The following PTH1R variants were observed in gnomAD, a reference collection of about 807,000 sequenced individuals.
PTH1R encodes parathyroid hormone 1 receptor.
A neutral mutation model predicts 70.7 loss-of-function variants in PTH1R; 32 were observed. That is an observed-to-expected ratio of 0.45 (90% CI 0.34 to 0.61). PTH1R has a LOEUF of 0.61. Ranked by LOEUF, PTH1R falls within the 20% of genes least tolerant of loss-of-function variation. The pLI is 0.01. For missense variants in PTH1R, 626 were observed against 792.5 expected (o/e 0.79, Z 2.52); for synonymous variants, 329 against 324.8 (o/e 1.01, Z -0.14).
intron 3 of PTH1R, among the ~76,000 whole-genome samples, chr3:46,889,159 C>T (rs1212300446): frequency 1.3e-5 from 2 of 152,194 alleles, no homozygotes; most frequent in Non-Finnish European, 2.9e-5. Context: ...ATGAAGGGGT[C>T]TCCTGTTAGC....
At chr3:46,898,271 C>T (rs549302750) in intron 7 of PTH1R, 79 bp downstream of exon 7, 2 of 1,575,662 alleles carry the variant, frequency 1.3e-6, no homozygotes, top group East Asian at 2.2e-5. Flanking sequence ...CCAGCCCTGA[C>T]CCCTGACCTT....
Position 46,903,646 on chromosome 3 carries a change from C to T in PTH1R, c.1772C>T (p.Thr591Ile), listed in dbSNP as rs753970535. The T allele has an allele frequency of 6.2e-7, 1 of 1,609,620 alleles. No homozygotes were observed. Among genetic ancestry groups the T allele is most frequent in the Non-Finnish European group, 8.5e-7 (1 of 1,179,996 alleles). ...GCCCTGCTACAGGAAGAGTGGGAGA[C>T]AGTCATGTGACCAGGCGCTGGGGGC... is the stretch of plus-strand genomic sequence containing the variant. ...PPALLQEEWE[T>I]VM is the part of the protein sequence containing the mutation. The change falls in exon 16 of 16, where the codon ACA (threonine) becomes ATA (isoleucine). Residue 591 changes from threonine (T) to isoleucine (I), a missense_variant. Physicochemically the swap from Thr to Ile is moderately conservative, Grantham distance 89 (BLOSUM62 -1). Coordinates refer to ENST00000449590, the MANE Select transcript of PTH1R (RefSeq NM_000316.3). The surrounding 1 kb of genome is among the most constrained non-coding windows in gnomAD (Gnocchi z 4.4).
Position 46,903,597 on chromosome 3 carries a change from G to A in PTH1R, c.1723G>A (p.Ala575Thr). Residue 575 changes from alanine (A) to threonine (T), a missense_variant, in exon 16 of 16, where the codon GCC (alanine) becomes ACC (threonine). By Grantham distance (58) the Ala-to-Thr change is moderately conservative (BLOSUM62 0). Coordinates refer to ENST00000449590, the MANE Select transcript of PTH1R (RefSeq NM_000316.3). The surrounding 1 kb of genome is among the most constrained non-coding windows in gnomAD (Gnocchi z 4.4). ...CTCCTGCTCAGGCCTGGACGAGGAG[G>A]CCTCTGGGCCTGAGCGGCCACCTGC... The part of the protein sequence containing the change: ...NGSCSGLDEE[A>T]SGPERPPALL... The A allele has an allele frequency of 6.2e-7, 1 of 1,613,524 alleles. No individual in the cohort carries two copies. Among genetic ancestry groups the A allele is most frequent in the Non-Finnish European group, 8.5e-7 (1 of 1,180,026 alleles).
chr3:46,887,966 T>C (rs2031146920), intron 3 of PTH1R, among the ~76,000 whole-genome samples: 1 of 152,236 alleles, frequency 6.6e-6, no homozygotes, highest in African/African-American at 2.4e-5. Flanking sequence ...AGGATATTTC[T>C]AGATTTTGTC....
chr3:46,901,710 C>T lies in PTH1R; in HGVS notation c.1117-56C>T. The stretch of plus-strand genomic sequence containing the variant: ...AGAGCCTATGGCCGTGGCTGCCAGG[C>T]CTTGCCCCGCCCCACTAGGGTGCAG... On this transcript the variant is annotated intron_variant, in intron 12 of 15. Coordinates refer to ENST00000449590, the MANE Select transcript of PTH1R (RefSeq NM_000316.3). This position sits in a 1 kb window ranked among gnomAD's most constrained non-coding sequence, Gnocchi z 7.3. 11 of 1,554,476 alleles carry T rather than the reference C, an allele frequency of 7.1e-6. No individual in the cohort carries two copies. In the South Asian group the frequency reaches 1.1e-4, roughly 16 times the overall value.
At position 46,896,788 on chromosome 3, in the gene PTH1R, G is replaced by A. The variant is rs895947728; in HGVS notation, c.313+919G>A. Among the ~76,000 whole-genome samples, 4 of 152,176 alleles carry A rather than the reference G, an allele frequency of 2.6e-5. No individual in the cohort carries two copies. The highest frequency in any genetic ancestry group is 2.1e-4 in the South Asian group (1 of 4,834). Reference sequence around the variant, plus strand: ...GCTGGGGACCCTCCAAGGTCACTTAGCCTCCCTGCAGTGAGGCTGGGGCTC... The same window carrying A: ...GCTGGGGACCCTCCAAGGTCACTTAACCTCCCTGCAGTGAGGCTGGGGCTC... On this transcript the variant is annotated intron_variant, in intron 5 of 15. Coordinates refer to ENST00000449590, the MANE Select transcript of PTH1R (RefSeq NM_000316.3). This position sits in a 1 kb window ranked among gnomAD's most constrained non-coding sequence, Gnocchi z 4.1.
At chr3:46,895,414 C>G (rs2031692139) in intron 4 of PTH1R, among the ~76,000 whole-genome samples, 1 of 152,214 alleles carries the variant, frequency 6.6e-6, no homozygotes, top group African/African-American at 2.4e-5. Context: ...GGCCCCCACC[C>G]ACTCCTGACT....
Position 46,892,181 on chromosome 3 carries a change from C to T in PTH1R, c.76-1726C>T, listed in dbSNP as rs2031454283. ...CCAGCCGCCAGCACGTGAGGATCTG[C>T]TCCAGCCCTTCCTGGGGTCCATAGT... On this transcript the variant is annotated intron_variant, in intron 3 of 15. Transcript: ENST00000449590. This position sits in a 1 kb window ranked among gnomAD's most constrained non-coding sequence, Gnocchi z 5.2. 6.6e-6 allele frequency among the ~76,000 whole-genome samples: 1 copy of T among 152,212 alleles called. No homozygotes were observed. Among genetic ancestry groups the T allele is most frequent in the South Asian group, 2.1e-4 (1 of 4,832 alleles).
chr3:46,897,510 T>C (rs917493206), intron 5 of PTH1R, among the ~76,000 whole-genome samples: 1 of 152,142 alleles, frequency 6.6e-6, no homozygotes, highest in Non-Finnish European at 1.5e-5. Context: ...GGCAGGCAGA[T>C]CACCTGAGGT....
intron 9 of PTH1R, 37 bp downstream of exon 9, chr3:46,898,894 C>A: frequency 7.0e-7 from 1 of 1,436,962 alleles, no homozygotes; most frequent in Non-Finnish European, 9.3e-7. Context: ...CCGGTGCCGC[C>A]ACTGGCCTCG....
rs1031625879 is a variant in PTH1R, at chr3:46,897,924, C to T, written c.383C>T (p.Ala128Val). 2 of 1,614,006 alleles carry T rather than the reference C, an allele frequency of 1.2e-6. No homozygotes were observed. Among genetic ancestry groups the T allele is most frequent in the Non-Finnish European group, 1.7e-6 (2 of 1,180,036 alleles). ...WPLGAPGEVV[A>V]VPCPDYIYDF... ...CTGGGGGCACCAGGTGAGGTGGTGG[C>T]TGTGCCCTGTCCGGACTACATTTAT... is the stretch of plus-strand genomic sequence containing the variant. Residue 128 changes from alanine to valine, a missense_variant, in exon 6 of 16, where the codon GCT becomes GTT. This residue lies in a region of PTH1R where 495 missense variants were observed against 638.7 expected (regional missense o/e 0.77). Coordinates refer to ENST00000449590, the MANE Select transcript of PTH1R (RefSeq NM_000316.3).
At chr3:46,881,894 G>A (rs1213506364) in intron 2 of PTH1R, among the ~76,000 whole-genome samples, 3 of 152,268 alleles carry the variant, frequency 2.0e-5, no homozygotes, top group Admixed American at 2.0e-4. Flanking sequence ...CGCCCATGAT[G>A]AAAGAGGGCT....
intron 3 of PTH1R, among the ~76,000 whole-genome samples, chr3:46,886,779 A>C (rs1041032102): frequency 3.3e-5 from 5 of 152,160 alleles, no homozygotes; most frequent in African/African-American, 1.2e-4. Flanking sequence ...AGTGATTTCT[A>C]CGCTAAAGGG....
chr3:46,886,507 G>A (rs997373273), intron 3 of PTH1R, among the ~76,000 whole-genome samples: 9 of 152,268 alleles, frequency 5.9e-5, no homozygotes, highest in East Asian at 1.9e-4. Flanking sequence ...ACAGGCGCCC[G>A]CCACCATGCC....
In PTH1R at chr3:46,891,706, G is replaced by C. The variant is rs932172860; in HGVS notation, c.76-2201G>C. Among the ~76,000 whole-genome samples the C allele has an allele frequency of 3.9e-5, 6 of 152,170 alleles. No individual in the cohort carries two copies. Among genetic ancestry groups the C allele is most frequent in the African/African-American group, 1.4e-4 (6 of 41,432 alleles). On this transcript the variant is annotated intron_variant, in intron 3 of 15. Coordinates refer to ENST00000449590, the MANE Select transcript of PTH1R (RefSeq NM_000316.3). This position sits in a 1 kb window ranked among gnomAD's most constrained non-coding sequence, Gnocchi z 4.3. ...ATGTTGCCTTGGTGATGCTGGAGGTGGTGGCAGTGGTGCTGGTGCTGGTGA... is the reference window on the plus strand; with the variant it reads ...ATGTTGCCTTGGTGATGCTGGAGGTCGTGGCAGTGGTGCTGGTGCTGGTGA...
chr3:46,903,296 G>T lies in PTH1R; in HGVS notation c.1422G>T (p.Trp474Cys). The stretch of plus-strand genomic sequence containing the variant: ...TACAAGCTGAGATCAAGAAATCTTG[G>T]AGCCGCTGGACACTGGCACTGGACT... ...GEVQAEIKKS[W>C]SRWTLALDFK... Residue 474 changes from tryptophan to cysteine, a missense_variant, in exon 16 of 16, where the codon TGG becomes TGT. Physicochemically the swap from Trp to Cys is radical, Grantham distance 215. Transcript: ENST00000449590. This position sits in a 1 kb window ranked among gnomAD's most constrained non-coding sequence, Gnocchi z 4.4. 6.2e-7 allele frequency: 1 copy of T among 1,613,144 alleles called. No individual in the cohort carries two copies. Among genetic ancestry groups the T allele is most frequent in the East Asian group, 2.2e-5 (1 of 44,886 alleles).
In PTH1R at chr3:46,902,506, T is replaced by C. The variant is rs747522791; in HGVS notation, c.1212-20T>C. 4 of 1,608,100 alleles carry C rather than the reference T, an allele frequency of 2.5e-6. No homozygotes were observed. The South Asian group carries it at 3.3e-5, about 13-fold the overall frequency. On this transcript the variant is annotated intron_variant, in intron 13 of 15. Coordinates refer to ENST00000449590, the MANE Select transcript of PTH1R (RefSeq NM_000316.3). The surrounding 1 kb of genome is among the most constrained non-coding windows in gnomAD (Gnocchi z 5.4). ...AAGGGGAAGTGGCTTGGCCCTGACC[T>C]ACCTGCCCCGCTGGCCCAGGAAGCT...
chr3:46,902,785 G>T lies in PTH1R; in HGVS notation c.1390G>T (p.Gly464Cys). Reference protein sequence around the residue: ...FVAIIYCFCNGEVQAEIKKSW... With the variant: ...FVAIIYCFCNCEVQAEIKKSW... ...CGCAATCATATACTGTTTCTGCAATGGCGAGGTAAGCAGGAGACAGTGTTG... is the reference window on the plus strand; with the variant it reads ...CGCAATCATATACTGTTTCTGCAATTGCGAGGTAAGCAGGAGACAGTGTTG... Residue 464 changes from glycine to cysteine, a missense_variant, in exon 15 of 16, where the codon GGC (glycine) becomes TGC (cysteine). Gly to Cys is a radical substitution (Grantham distance 159). This residue lies in a region of PTH1R where 495 missense variants were observed against 638.7 expected (regional missense o/e 0.77). Coordinates refer to ENST00000449590, the MANE Select transcript of PTH1R (RefSeq NM_000316.3). The surrounding 1 kb of genome is among the most constrained non-coding windows in gnomAD (Gnocchi z 5.4). 3 of 1,613,692 alleles carry T rather than the reference G, an allele frequency of 1.9e-6. No homozygotes were observed. Among genetic ancestry groups the T allele is most frequent in the South Asian group, 1.1e-5 (1 of 91,076 alleles).
rs1303880204 is a variant in PTH1R, at chr3:46,892,437, T to A, written c.76-1470T>A. 6.6e-6 allele frequency among the ~76,000 whole-genome samples: 1 copy of A among 152,064 alleles called. No individual in the cohort carries two copies. The highest frequency in any genetic ancestry group is 1.5e-5 in the Non-Finnish European group (1 of 68,002). On this transcript the variant is annotated intron_variant, in intron 3 of 15. Transcript: ENST00000449590. This position sits in a 1 kb window ranked among gnomAD's most constrained non-coding sequence, Gnocchi z 5.2. ...ACGCGCACGGACGGGCACACACAAG[T>A]GCACGCGCCGGCCACTCGAGAATGC...
Sources: gnomAD v4.1 joint callset for allele counts (sites outside exome capture counted in the v4.1 genomes callset) on GRCh38, gnomAD v4.1.1 for gene constraint, gnomAD v4.1.1 regional missense constraint, Gnocchi (gnomAD v3.1) non-coding constraint, MANE v1.5 for transcripts, NCBI Gene and HGNC (gene_info 2026-07-23, HGNC 2026-07-21) for gene names.